Variants in ARHGEF33 observed in about 807,000 individuals in gnomAD.
ARHGEF33 encodes Rho guanine nucleotide exchange factor 33.
Under a neutral mutation model 101.9 loss-of-function variants are expected in ARHGEF33, and 72 were observed. That is an observed-to-expected ratio of 0.71 (90% CI 0.58 to 0.86). ARHGEF33 has a LOEUF of 0.86. Among genes scored for constraint, ARHGEF33 ranks in the 40% least tolerant of loss-of-function variants. The probability of loss-of-function intolerance (pLI) is 0.00; values close to 1 mark genes in which losing one functional copy is unlikely to be tolerated. For missense variants in ARHGEF33, 1,169 were observed against 1,111.3 expected, an observed-to-expected ratio of 1.05 and a Z score of -0.74; for synonymous variants, 499 against 442.5, an observed-to-expected ratio of 1.13 and a Z score of -1.60.
intron 9 of ARHGEF33, among the ~76,000 whole-genome samples, chr2:38,942,662 G>A (rs1160335105): frequency 6.6e-6 from 1 of 151,974 alleles, no homozygotes; most frequent in Non-Finnish European, 1.5e-5. Context: ...TGAATTGTAA[G>A]ATTAAAAATT....
In ARHGEF33 at chr2:38,943,881, T is replaced by G. The variant is rs1270251915; in HGVS notation, c.791-20T>G. 1 of 1,550,050 alleles carries G rather than the reference T, an allele frequency of 6.5e-7. No individual in the cohort carries two copies. Among genetic ancestry groups the G allele is most frequent in the Admixed American group, 2.0e-5 (1 of 50,714 alleles). ...GGAAGAAATGGTTAATATCAAGTCC[T>G]CTTTGGTTTGTTTCTAAAGCTAAAA... On this transcript the variant is annotated intron_variant, in intron 9 of 17. Transcript: ENST00000409978.
intron 16 of ARHGEF33, 80 bp from the exon 17 acceptor site, chr2:38,965,926 A>G (rs1668040940): frequency 6.7e-7 from 1 of 1,500,046 alleles, no homozygotes; most frequent in Non-Finnish European, 9.0e-7. Context: ...AAGTCACAAC[A>G]CCACAAAATT....
chr2:38,943,914 T>C lies in ARHGEF33; in HGVS notation c.804T>C (p.Thr268=). Residue 268 remains threonine (T), a synonymous_variant, in exon 10 of 18, where the codon ACT becomes ACC. Transcript: ENST00000409978. ...TTGTTTCTAAAGCTAAAAGACAGAC[T>C]GTGGCCCTGGAACTGCTTGAATCTG... The part of the protein sequence containing the change: ...CETSLAAKRQ[T]VALELLESER... The C allele has an allele frequency of 6.4e-7, 1 of 1,551,702 alleles. No homozygotes were observed. Among genetic ancestry groups the C allele is most frequent in the Non-Finnish European group, 8.7e-7 (1 of 1,146,972 alleles).
chr2:38,911,695 C>G (rs1036809619), intron 2 of ARHGEF33, among the ~76,000 whole-genome samples: 3 of 152,108 alleles, frequency 2.0e-5, no homozygotes, highest in African/African-American at 7.2e-5. Context: ...TGTTTTTAAA[C>G]AGCAGAAGCT....
rs544782859 is a variant in ARHGEF33 at position 38,971,850 on chromosome 2, G to A, written c.2484-1864G>A. The A allele has an allele frequency of 3.3e-5, 24 of 718,452 alleles. 1 individual carries two copies. Among genetic ancestry groups the A allele is most frequent in the South Asian group, 3.1e-4 (21 of 67,602 alleles). 44.5% of individuals were successfully genotyped at this position (718,452 alleles called of 1,614,324 possible). On this transcript the variant is annotated intron_variant, in intron 17 of 17. Coordinates refer to ENST00000409978, the MANE Select transcript of ARHGEF33 (RefSeq NM_001145451.5). ...ATGGACTTTGAAAACTAGACAGGGC[G>A]ATTTTGGCATTTGTTTCAGAAATGG...
rs142022561 is a variant in ARHGEF33 at position 38,969,881 on chromosome 2, A to G, written c.2483+3736A>G. On this transcript the variant is annotated intron_variant, in intron 17 of 17. Coordinates refer to ENST00000409978, the MANE Select transcript of ARHGEF33 (RefSeq NM_001145451.5). ...AAACTGTCCCATTCTAGAAGGATCT[A>G]TACAGAGGCTGTCAAAGACTTAAAC... Among the ~76,000 whole-genome samples, 15 of 152,336 alleles carry G rather than the reference A, an allele frequency of 9.8e-5. No homozygotes were observed. The East Asian group carries it at 2.7e-3, about 27-fold the overall frequency.
At chr2:38,929,474 A>G (rs569675487) in intron 5 of ARHGEF33, among the ~76,000 whole-genome samples, 4 of 152,176 alleles carry the variant, frequency 2.6e-5, no homozygotes, top group African/African-American at 9.6e-5. Flanking sequence ...GCAGCCAAAT[A>G]TAAGAATTTT....
At chr2:38,966,247 A>G (rs1429362463) in intron 17 of ARHGEF33, 102 bp downstream of exon 17, 5 of 1,415,542 alleles carry the variant, frequency 3.5e-6, no homozygotes, top group Admixed American at 2.5e-5. Flanking sequence ...GTCTCACACA[A>G]CTGCTTCAAG....
chr2:38,972,548 C>A (rs936473921), intron 17 of ARHGEF33, among the ~76,000 whole-genome samples: 2 of 152,122 alleles, frequency 1.3e-5, no homozygotes, highest in Non-Finnish European at 2.9e-5. Context: ...TATCAGAGGG[C>A]AAAGTGAAAA....
At chr2:38,894,084 C>T (rs148777561) in intron 1 of ARHGEF33, among the ~76,000 whole-genome samples, 98 of 152,170 alleles carry the variant, frequency 6.4e-4, no homozygotes, top group South Asian at 1.7e-3. Flanking sequence ...TTTAGGAGGC[C>T]GAGACACTGG....
At position 38,928,966 on chromosome 2, in the gene ARHGEF33, A is replaced by G. The variant is rs185292174; in HGVS notation, c.135A>G (p.Ser45=). 2.3e-5 allele frequency: 36 copies of G among 1,551,650 alleles called. No homozygotes were observed. In the East Asian group the frequency reaches 4.4e-4, roughly 19 times the overall value. The change falls in exon 5 of 18, where the codon TCA becomes TCG. Residue 45 remains serine (S), a synonymous_variant. Transcript: ENST00000409978. ...TCACAGAAGCAATGCAAGAACTGTC[A>G]AGAATTCAACATGGAGAATATGCTT... ...TGFTEAMQEL[S]RIQHGEYALE... is the part of the protein sequence containing the mutation.
In ARHGEF33 at chr2:38,889,964, A is replaced by G; in HGVS notation, c.-181A>G. ...AGATAAGCCTTGATCTGAGGATGAT[A>G]TAACCACCGCAGGCAACATGGGGTA... On this transcript the variant is annotated 5_prime_UTR_variant, in exon 1 of 18. In the 5' UTR this introduces an upstream ATG that the reference lacks. Transcript: ENST00000409978. 2.1e-6 allele frequency: 1 copy of G among 470,740 alleles called. No homozygotes were observed. The highest frequency in any genetic ancestry group is 1.6e-5 in the South Asian group (1 of 64,474). 29.2% of individuals were successfully genotyped at this position (470,740 alleles called of 1,614,324 possible).
At chr2:38,957,253 C>G (rs1185250385) in intron 14 of ARHGEF33, among the ~76,000 whole-genome samples, 3 of 152,194 alleles carry the variant, frequency 2.0e-5, no homozygotes, top group African/African-American at 7.2e-5. Flanking sequence ...AAAAAAAACA[C>G]TTCACTCTAC....
chr2:38,956,891 C>T lies in ARHGEF33; in HGVS notation c.1222-8C>T, dbSNP rs1461220274. The T allele has an allele frequency of 6.4e-7, 1 of 1,551,766 alleles. No individual in the cohort carries two copies. Among genetic ancestry groups the T allele is most frequent in the Non-Finnish European group, 8.7e-7 (1 of 1,146,756 alleles). ...ATGCAATGCTACTTCCTTTTCCCCTCCATCCAGAACGTCCTGAAGTTCACA... is the reference window on the plus strand; with the variant it reads ...ATGCAATGCTACTTCCTTTTCCCCTTCATCCAGAACGTCCTGAAGTTCACA... On this transcript the variant is annotated splice_polypyrimidine_tract_variant and splice_region_variant and intron_variant, in intron 13 of 17. Coordinates refer to ENST00000409978, the MANE Select transcript of ARHGEF33 (RefSeq NM_001145451.5).
At chr2:38,907,435 A>C (rs1666416895) in intron 2 of ARHGEF33, among the ~76,000 whole-genome samples, 1 of 152,190 alleles carries the variant, frequency 6.6e-6, no homozygotes, top group Non-Finnish European at 1.5e-5. Flanking sequence ...TGAACTATGA[A>C]AAAAATTCTC....
intron 5 of ARHGEF33, among the ~76,000 whole-genome samples, chr2:38,929,436 AAAAG>A (rs1267985161): frequency 2.6e-5 from 4 of 152,124 alleles, no homozygotes; most frequent in Admixed American, 2.0e-4. Context: ...TTAAAAAAAA[AAAAG>A]AAAGAAAACT....
intron 10 of ARHGEF33, among the ~76,000 whole-genome samples, chr2:38,950,468 T>G (rs1320095829): frequency 6.6e-6 from 1 of 152,248 alleles, no homozygotes; most frequent in Non-Finnish European, 1.5e-5. Flanking sequence ...TTTATTTATT[T>G]TGAGACAGAG....
At chr2:38,960,809 G>A (rs1347621209) in intron 16 of ARHGEF33, among the ~76,000 whole-genome samples, 161 bp downstream of exon 16, 1 of 152,072 alleles carries the variant, frequency 6.6e-6, no homozygotes, top group Non-Finnish European at 1.5e-5. Context: ...GAGAGCAGGG[G>A]CAGCCCCCGC....
chr2:38,916,365 T>C (rs1361373739), intron 2 of ARHGEF33, among the ~76,000 whole-genome samples: 2 of 152,222 alleles, frequency 1.3e-5, no homozygotes, highest in African/African-American at 4.8e-5. Flanking sequence ...GTGCTTCTTT[T>C]ACAAATGAAG....
Sources: allele counts gnomAD v4.1 joint callset (sites outside exome capture counted in the v4.1 genomes callset), GRCh38; gene constraint gnomAD v4.1.1; transcripts MANE v1.5; gene names NCBI Gene and HGNC (gene_info 2026-07-23, HGNC 2026-07-21).